Variants in SMARCC1 observed in about 807,000 individuals in gnomAD.
SMARCC1 encodes SWI/SNF related BAF chromatin remodeling complex subunit C1.
In SMARCC1, 43 loss-of-function variants were observed where a neutral mutation model predicts 147.4. The ratio of observed to expected loss-of-function variants is 0.29; its 90% CI spans 0.23 to 0.38. SMARCC1 has a LOEUF of 0.38. Ranked by LOEUF, SMARCC1 falls within the 10% of genes least tolerant of loss-of-function variation. The probability of loss-of-function intolerance (pLI) is 1.00; values close to 1 mark genes in which losing one functional copy is unlikely to be tolerated. For synonymous variants in SMARCC1, 495 were observed against 484.4 expected (o/e 1.02, Z -0.29); for missense variants, 1,119 against 1,381.1 (o/e 0.81, Z 3.01).
At chr3:47,779,742 T>C (rs1289130735) in intron 1 of SMARCC1, among the ~76,000 whole-genome samples, 2 of 152,196 alleles carry the variant, frequency 1.3e-5, no homozygotes, top group Non-Finnish European at 2.9e-5. Context: ...TGCGGAGAGG[T>C]AGAAATTACT....
chr3:47,616,993 G>C (rs1477229475), intron 25 of SMARCC1, among the ~76,000 whole-genome samples: 1 of 152,234 alleles, frequency 6.6e-6, no homozygotes, highest in Non-Finnish European at 1.5e-5. Context: ...GGGAGGTGGA[G>C]AGTTGGGTGC....
intron 3 of SMARCC1, among the ~76,000 whole-genome samples, chr3:47,740,708 A>C (rs934749560): frequency 1.3e-5 from 2 of 152,056 alleles, no homozygotes; most frequent in African/African-American, 4.8e-5. Flanking sequence ...TGTTAGTGAG[A>C]CATCTCATTA....
chr3:47,743,478 A>C (rs2034532265), intron 3 of SMARCC1, among the ~76,000 whole-genome samples: 1 of 151,942 alleles, frequency 6.6e-6, no homozygotes, highest in South Asian at 2.1e-4. Flanking sequence ...GGCCTGTATT[A>C]CACGTATCTT....
Position 47,623,295 on chromosome 3 carries a change from C to T in SMARCC1, c.2647-954G>A, listed in dbSNP as rs570077929. Among the ~76,000 whole-genome samples the T allele has an allele frequency of 7.9e-5, 12 of 151,860 alleles. No homozygotes were observed. In the East Asian group the frequency reaches 1.4e-3, roughly 17 times the overall value. ...AGCCACAGCTGTGTGTGTCACAGCA[C>T]GCATCTTACCAAGGTCTTAAGAAAT... On this transcript the variant is annotated intron_variant, in intron 24 of 27. Coordinates refer to ENST00000254480, the MANE Select transcript of SMARCC1 (RefSeq NM_003074.4).
chr3:47,750,508 T>C (rs1159162723), intron 2 of SMARCC1, among the ~76,000 whole-genome samples: 1 of 152,144 alleles, frequency 6.6e-6, no homozygotes, highest in Non-Finnish European at 1.5e-5. Context: ...GAGACTTACT[T>C]CTCCTACAGA....
intron 6 of SMARCC1, among the ~76,000 whole-genome samples, chr3:47,723,954 CAAT>C (rs1335359178): frequency 6.6e-6 from 1 of 152,020 alleles, no homozygotes; most frequent in East Asian, 1.9e-4. Context: ...AAAATCAAAA[CAAT>C]GATATATCAG....
intron 25 of SMARCC1, among the ~76,000 whole-genome samples, chr3:47,621,572 T>C (rs1043138971): frequency 1.3e-5 from 2 of 152,176 alleles, no homozygotes; most frequent in South Asian, 2.1e-4. Flanking sequence ...AAATGCCACA[T>C]GTTCTCAGTT....
intron 10 of SMARCC1, among the ~76,000 whole-genome samples, chr3:47,703,726 G>A (rs2106790113): frequency 6.6e-6 from 1 of 152,314 alleles, no homozygotes; most frequent in South Asian, 2.1e-4. Context: ...CCCTTTGAGG[G>A]ATGACATATT....
At chr3:47,740,850 C>CAAAAAA (rs60339024) in intron 3 of SMARCC1, among the ~76,000 whole-genome samples, 25 of 77,624 alleles carry the variant, frequency 3.2e-4, no homozygotes, top group Admixed American at 5.3e-4. Flanking sequence ...GACTCTGACT[C>CAAAAAA]AAAAAAAAAA....
intron 7 of SMARCC1, among the ~76,000 whole-genome samples, chr3:47,717,065 T>C (rs1336129265): frequency 6.6e-6 from 1 of 152,180 alleles, no homozygotes; most frequent in East Asian, 1.9e-4. Flanking sequence ...AAAAAGATTG[T>C]ATATACTTTT....
intron 2 of SMARCC1, among the ~76,000 whole-genome samples, chr3:47,746,800 G>A (rs1444435953): frequency 1.4e-5 from 2 of 147,668 alleles, no homozygotes; most frequent in African/African-American, 2.5e-5. Context: ...GTGCTATCTC[G>A]GCTCACTGCA....
chr3:47,622,729 A>T (rs1344921389), intron 24 of SMARCC1, among the ~76,000 whole-genome samples: 1 of 152,180 alleles, frequency 6.6e-6, no homozygotes, highest in Non-Finnish European at 1.5e-5. Flanking sequence ...GCAGGCAGGC[A>T]GGCTGCTGAG....
intron 24 of SMARCC1, among the ~76,000 whole-genome samples, chr3:47,626,170 A>G (rs895794775): frequency 4.0e-5 from 6 of 151,392 alleles, no homozygotes; most frequent in African/African-American, 1.5e-4. Context: ...TTTTTGAGAC[A>G]GAGTCTAGCT....
At chr3:47,600,709 AG>A (rs2032368384) in intron 26 of SMARCC1, among the ~76,000 whole-genome samples, 1 of 152,154 alleles carries the variant, frequency 6.6e-6, no homozygotes, top group African/African-American at 2.4e-5. Flanking sequence ...GTAGAATTTA[AG>A]AAGACTCAGG....
chr3:47,607,596 G>T (rs1400116839), intron 26 of SMARCC1, among the ~76,000 whole-genome samples: 2 of 152,142 alleles, frequency 1.3e-5, no homozygotes, highest in African/African-American at 4.8e-5. Context: ...GTGGGGTTTG[G>T]GGGGTGAACT....
intron 26 of SMARCC1, chr3:47,601,768 C>T (rs1205280027): frequency 3.4e-5 from 5 of 148,244 alleles, no homozygotes; most frequent in East Asian, 2.0e-4. Flanking sequence ...GGTGTGAACT[C>T]GGCTCACTGC....
intron 25 of SMARCC1, among the ~76,000 whole-genome samples, chr3:47,615,669 A>C (rs2032631093): frequency 6.6e-6 from 1 of 151,744 alleles, no homozygotes; most frequent in Non-Finnish European, 1.5e-5. Context: ...GAAGGTACAC[A>C]ATTTCTTTCT....
intron 10 of SMARCC1, among the ~76,000 whole-genome samples, chr3:47,705,705 A>G (rs1375140638): frequency 6.6e-6 from 1 of 152,204 alleles, no homozygotes; most frequent in African/African-American, 2.4e-5. Flanking sequence ...CATGAAAATA[A>G]TCAATTTACA....
At position 47,668,924 on chromosome 3, in the gene SMARCC1, C is replaced by G. The variant is rs368460188; in HGVS notation, c.1899+1734G>C. Among the ~76,000 whole-genome samples, 22 of 151,552 alleles carry G rather than the reference C, an allele frequency of 1.5e-4. No individual in the cohort carries two copies. In the East Asian group the frequency reaches 2.7e-3, roughly 19 times the overall value. On this transcript the variant is annotated intron_variant, in intron 19 of 27. Transcript: ENST00000254480. ...AGGTACGATGCTATTTTGAAAACAGCAAACCCCAATGAGTCTACCAGATTT... is the reference window on the plus strand; with the variant it reads ...AGGTACGATGCTATTTTGAAAACAGGAAACCCCAATGAGTCTACCAGATTT...
Sources: gnomAD v4.1 joint callset for allele counts (sites outside exome capture counted in the v4.1 genomes callset) on GRCh38, gnomAD v4.1.1 for gene constraint, MANE v1.5 for transcripts, NCBI Gene and HGNC (gene_info 2026-07-23, HGNC 2026-07-21) for gene names.